NRXN3: variants seen among roughly 807,000 people sequenced by gnomAD.
NRXN3 encodes the protein neurexin III.
In NRXN3, 32 loss-of-function variants were observed where a neutral mutation model predicts 137.6. That is an observed-to-expected ratio of 0.23 (90% CI 0.18 to 0.31). NRXN3 has a LOEUF of 0.31. NRXN3 is among the 10% of genes least tolerant of loss of function. The pLI, the probability that NRXN3 is intolerant of heterozygous loss-of-function variation, is 1.00. For synonymous variants in NRXN3, 798 were observed against 784.5 expected, an observed-to-expected ratio of 1.02 and a Z score of -0.29; for missense variants, 1,574 against 2,062.5, an observed-to-expected ratio of 0.76 and a Z score of 4.59.
intron 15 of NRXN3, among the ~76,000 whole-genome samples, chr14:79,179,717 A>G (rs1025009037): frequency 6.6e-6 from 1 of 152,194 alleles, no homozygotes; most frequent in African/African-American, 2.4e-5. Flanking sequence ...TGTCTGCAGG[A>G]GACACTTTTA....
At chr14:79,561,309 G>A (rs1246998106) in intron 16 of NRXN3, among the ~76,000 whole-genome samples, 1 of 152,164 alleles carries the variant, frequency 6.6e-6, no homozygotes, top group African/African-American at 2.4e-5. Context: ...GAGAACATAC[G>A]AGTCTGCCTT....
intron 15 of NRXN3, among the ~76,000 whole-genome samples, chr14:79,275,516 T>C (rs1401492393): frequency 6.6e-6 from 1 of 151,982 alleles, no homozygotes; most frequent in Admixed American, 6.5e-5. Flanking sequence ...AGAGATAAAA[T>C]GTACAGTACT....
intron 2 of NRXN3, among the ~76,000 whole-genome samples, chr14:78,256,342 C>T (rs889084477): frequency 2.6e-5 from 4 of 152,178 alleles, no homozygotes; most frequent in Admixed American, 6.5e-5. Context: ...CGAAGGAATC[C>T]GAGCCACAGA....
chr14:78,294,215 A>G (rs574796890), intron 3 of NRXN3, among the ~76,000 whole-genome samples: 3 of 152,320 alleles, frequency 2.0e-5, no homozygotes, highest in Admixed American at 1.3e-4. Context: ...ACATGTCAGT[A>G]CATTTCCATA....
rs139100332 is a variant in NRXN3, at chr14:79,828,882, TAC to T, written c.4093+23694_4093+23695del. 2.2e-3 allele frequency among the ~76,000 whole-genome samples: 341 copies of T among 152,236 alleles called. 12 individuals carry two copies. In the East Asian group the frequency reaches 0.045, roughly 20 times the overall value. On this transcript the variant is annotated intron_variant, in intron 20 of 20. Coordinates refer to ENST00000335750, the MANE Select transcript of NRXN3 (RefSeq NM_001330195.2). ...CTGCCTAGCTGTAGTGAATTAGTCATACAATAATTATTTAAAGAAAGAAATGT... is the reference window on the plus strand; with the variant it reads ...CTGCCTAGCTGTAGTGAATTAGTCATAATAATTATTTAAAGAAAGAAATGT...
chr14:79,027,682 T>C (rs1214200891), intron 15 of NRXN3, among the ~76,000 whole-genome samples: 1 of 152,004 alleles, frequency 6.6e-6, no homozygotes, highest in Non-Finnish European at 1.5e-5. Context: ...AGACAGGGAG[T>C]CATTGAACTT....
chr14:78,953,560 C>T (rs568518520), intron 10 of NRXN3, among the ~76,000 whole-genome samples: 54 of 152,166 alleles, frequency 3.5e-4, no homozygotes, highest in Non-Finnish European at 6.5e-4. Flanking sequence ...ATTAAAGGCT[C>T]TCTGTTCTAC....
intron 16 of NRXN3, among the ~76,000 whole-genome samples, chr14:79,629,054 T>C (rs2098314074): frequency 6.6e-6 from 1 of 152,222 alleles, no homozygotes; most frequent in Non-Finnish European, 1.5e-5. Context: ...CAAAAAGTTT[T>C]TCCTCTGGAA....
intron 15 of NRXN3, among the ~76,000 whole-genome samples, chr14:79,289,052 G>A (rs2082737363): frequency 1.3e-5 from 2 of 152,146 alleles, no homozygotes; most frequent in Admixed American, 1.3e-4. Flanking sequence ...TGGGCTCGTA[G>A]AACTTAGAGA....
intron 10 of NRXN3, among the ~76,000 whole-genome samples, chr14:78,894,899 T>C (rs1458802177): frequency 6.7e-6 from 1 of 148,812 alleles, no homozygotes; most frequent in Non-Finnish European, 1.5e-5. Context: ...AAAAAAAATC[T>C]TTTTTTTTTC....
At chr14:78,722,337 A>G (rs759641646) in intron 8 of NRXN3, among the ~76,000 whole-genome samples, 16 of 152,172 alleles carry the variant, frequency 1.1e-4, no homozygotes, top group Non-Finnish European at 2.2e-4. Flanking sequence ...TTACATTGCC[A>G]CTGTGTATCT....
At chr14:79,698,499 T>A (rs182422554) in intron 19 of NRXN3, among the ~76,000 whole-genome samples, 73 of 152,162 alleles carry the variant, frequency 4.8e-4, no homozygotes, top group African/African-American at 1.5e-3. Flanking sequence ...CCATTTTGTT[T>A]TCTTTATATT....
At chr14:78,633,260 A>AAAAAAAAAAAAAAAAAG (rs777062744) in intron 4 of NRXN3, among the ~76,000 whole-genome samples, 1 of 148,264 alleles carries the variant, frequency 6.7e-6, no homozygotes, top group Non-Finnish European at 1.5e-5. Flanking sequence ...TCAAAAAAAA[A>AAAAAAAAAAAAAAAAAG]AAAAAAAAGA....
At chr14:79,592,515 A>T (rs140430298) in intron 16 of NRXN3, among the ~76,000 whole-genome samples, 1 of 152,276 alleles carries the variant, frequency 6.6e-6, no homozygotes, top group African/African-American at 2.4e-5. Flanking sequence ...ATTCAATAAA[A>T]AGACTTTTTC....
At chr14:79,527,293 C>CAAAAAAAAA (rs397954192) in intron 16 of NRXN3, among the ~76,000 whole-genome samples, 1 of 58,668 alleles carries the variant, frequency 1.7e-5, no homozygotes, top group Non-Finnish European at 3.0e-5. Flanking sequence ...GACTCTGTCT[C>CAAAAAAAAA]AAAAAAAAAA....
intron 10 of NRXN3, among the ~76,000 whole-genome samples, chr14:78,881,593 G>T (rs1008714071): frequency 6.6e-6 from 1 of 151,568 alleles, no homozygotes; most frequent in Non-Finnish European, 1.5e-5. Context: ...AGATGATTTA[G>T]GGTATCTAGT....
Position 78,221,195 on chromosome 14 carries a change from A to G in NRXN3, c.-703-21196A>G, listed in dbSNP as rs565931176. 6.7e-4 allele frequency among the ~76,000 whole-genome samples: 102 copies of G among 152,162 alleles called. 2 individuals carry two copies. Among genetic ancestry groups the G allele is most frequent in the African/African-American group, 2.3e-3 (97 of 41,510 alleles). ...CTCTTCTAGGTAAGAAGTGAAGAGAATGGAGTATGGGAGGGATGATAGACT... is the reference window on the plus strand; with the variant it reads ...CTCTTCTAGGTAAGAAGTGAAGAGAGTGGAGTATGGGAGGGATGATAGACT... On this transcript the variant is annotated intron_variant, in intron 1 of 20. Coordinates refer to ENST00000335750, the MANE Select transcript of NRXN3 (RefSeq NM_001330195.2).
At chr14:78,841,084 C>G (rs889315286) in intron 10 of NRXN3, among the ~76,000 whole-genome samples, 1 of 152,122 alleles carries the variant, frequency 6.6e-6, no homozygotes, top group African/African-American at 2.4e-5. Flanking sequence ...ACAATTAAAA[C>G]CCACTTACTC....
intron 4 of NRXN3, among the ~76,000 whole-genome samples, chr14:78,342,717 A>T (rs2153582850): frequency 6.6e-6 from 1 of 152,282 alleles, no homozygotes; most frequent in African/African-American, 2.4e-5. Flanking sequence ...TGTCTACAGC[A>T]CCAAAGCCTT....
Sources: allele counts gnomAD v4.1 joint callset (sites outside exome capture counted in the v4.1 genomes callset), GRCh38; gene constraint gnomAD v4.1.1; transcripts MANE v1.5; gene names NCBI Gene and HGNC (gene_info 2026-07-23, HGNC 2026-07-21).